STK3: variants seen among roughly 807,000 people sequenced by gnomAD.
The protein encoded by STK3 is serine/threonine-protein kinase 3.
Under a neutral mutation model 58.0 loss-of-function variants are expected in STK3, and 41 were observed. That is an observed-to-expected ratio of 0.71 (90% CI 0.55 to 0.92). The LOEUF (loss-of-function observed/expected upper bound fraction) is 0.92. STK3 is among the 40% of genes least tolerant of loss of function. STK3 has a pLI of 0.00. For synonymous variants in STK3, 170 were observed against 191.0 expected, an observed-to-expected ratio of 0.89 and a Z score of 0.91; for missense variants, 479 against 602.7, an observed-to-expected ratio of 0.79 and a Z score of 2.15.
intron 4 of STK3, among the ~76,000 whole-genome samples, chr8:98,711,854 G>A (rs1359807228): frequency 1.3e-5 from 2 of 152,190 alleles, no homozygotes; most frequent in African/African-American, 2.4e-5. Context: ...AAGTTGAAAT[G>A]AAGGAAAAAA....
At chr8:98,912,906 T>C (rs911201350) in intron 1 of STK3, among the ~76,000 whole-genome samples, 14 of 152,086 alleles carry the variant, frequency 9.2e-5, no homozygotes, top group African/African-American at 3.4e-4. Context: ...GTCTCACTGG[T>C]TGTGGTTTAT....
At chr8:98,749,881 G>T (rs1009756863) in intron 3 of STK3, among the ~76,000 whole-genome samples, 1 of 151,858 alleles carries the variant, frequency 6.6e-6, no homozygotes, top group African/African-American at 2.4e-5. Context: ...TAAATTTATA[G>T]AATTAAAATA....
intron 1 of STK3, among the ~76,000 whole-genome samples, chr8:98,885,525 C>T (rs960995885): frequency 1.3e-5 from 2 of 152,130 alleles, no homozygotes; most frequent in African/African-American, 2.4e-5. Flanking sequence ...CAGCAACCTC[C>T]GCCTCCCAGG....
At chr8:98,846,007 G>A (rs1293613405) in intron 3 of STK3, among the ~76,000 whole-genome samples, 1 of 152,224 alleles carries the variant, frequency 6.6e-6, no homozygotes, top group Non-Finnish European at 1.5e-5. Flanking sequence ...GCTAGGAACT[G>A]ACAAGACATC....
At chr8:98,598,847 T>C (rs1167492103) in intron 6 of STK3, 1 of 985,330 alleles carries the variant, frequency 1.0e-6, no homozygotes, top group East Asian at 1.1e-4. Flanking sequence ...AAACCTCTGA[T>C]TATGTTTCTA....
chr8:98,567,515 A>G (rs1448985457), intron 8 of STK3, among the ~76,000 whole-genome samples: 1 of 152,110 alleles, frequency 6.6e-6, no homozygotes, highest in African/African-American at 2.4e-5. Context: ...TTCTATTCTA[A>G]TCAACTATAA....
intron 6 of STK3, among the ~76,000 whole-genome samples, chr8:98,622,578 T>C (rs1818412316): frequency 1.3e-5 from 2 of 152,156 alleles, no homozygotes; most frequent in Admixed American, 1.3e-4. Context: ...AAAATCAAAT[T>C]ATCGAGGACC....
intron 6 of STK3, among the ~76,000 whole-genome samples, chr8:98,682,725 G>C (rs1223568388): frequency 6.6e-6 from 1 of 152,070 alleles, no homozygotes; most frequent in Admixed American, 6.6e-5. Context: ...GGTATGACTT[G>C]TCTTTCTTTT....
chr8:98,594,650 A>G (rs1467035722), intron 7 of STK3, among the ~76,000 whole-genome samples: 1 of 152,214 alleles, frequency 6.6e-6, no homozygotes, highest in Non-Finnish European at 1.5e-5. Flanking sequence ...ATACATATAT[A>G]ACACATACAT....
intron 10 of STK3, among the ~76,000 whole-genome samples, chr8:98,475,995 GGACTATAA>G (rs1182611225): frequency 6.6e-6 from 1 of 152,056 alleles, no homozygotes; most frequent in Non-Finnish European, 1.5e-5. Flanking sequence ...AAACTATTTA[GGACTATAA>G]ATTCCATCTA....
intron 1 of STK3, among the ~76,000 whole-genome samples, chr8:98,928,948 A>G (rs1344444135): frequency 6.6e-6 from 1 of 152,228 alleles, no homozygotes; most frequent in Admixed American, 6.5e-5. Flanking sequence ...TGAGCTGAAA[A>G]AGATTTTTAA....
intron 6 of STK3, among the ~76,000 whole-genome samples, chr8:98,684,496 A>G (rs1011742317): frequency 1.3e-5 from 2 of 152,200 alleles, no homozygotes; most frequent in Non-Finnish European, 2.9e-5. Flanking sequence ...AACCTGAACT[A>G]ATTTATAGTC....
At chr8:98,590,283 A>C (rs1378739449) in intron 7 of STK3, among the ~76,000 whole-genome samples, 3 of 152,130 alleles carry the variant, frequency 2.0e-5, no homozygotes, top group African/African-American at 4.8e-5. Context: ...TTGGAATATA[A>C]ATTTCTGAGC....
At chr8:98,492,189 A>G (rs1367831429) in intron 10 of STK3, among the ~76,000 whole-genome samples, 1 of 152,248 alleles carries the variant, frequency 6.6e-6, no homozygotes, top group African/African-American at 2.4e-5. Context: ...GAATACTTCT[A>G]AATTCTCCAG....
the STK3 span, among the ~76,000 whole-genome samples, chr8:98,349,342 G>A: frequency 6.6e-6 from 1 of 152,346 alleles, no homozygotes; most frequent in South Asian, 2.1e-4. Context: ...CGATGCAAGA[G>A]GTGGGCTCCC....
chr8:98,498,263 T>G (rs942001190), intron 10 of STK3, among the ~76,000 whole-genome samples: 5 of 152,088 alleles, frequency 3.3e-5, no homozygotes, highest in African/African-American at 1.2e-4. Flanking sequence ...AGTTCTTCCC[T>G]ATGTCTATGG....
intron 4 of STK3, among the ~76,000 whole-genome samples, chr8:98,739,028 G>A (rs537023799): frequency 2.1e-4 from 32 of 152,352 alleles, no homozygotes; most frequent in Middle Eastern, 6.8e-3. Flanking sequence ...AGGCAGCGGC[G>A]AGGCTGGGGG....
intron 7 of STK3, among the ~76,000 whole-genome samples, chr8:98,582,723 T>C (rs1260869100): frequency 6.6e-6 from 1 of 152,134 alleles, no homozygotes; most frequent in African/African-American, 2.4e-5. Flanking sequence ...CATTATTCTA[T>C]CTCATACTGG....
chr8:98,479,774 T>G (rs1322788531), intron 10 of STK3, among the ~76,000 whole-genome samples: 1 of 152,102 alleles, frequency 6.6e-6, no homozygotes, highest in South Asian at 2.1e-4. Flanking sequence ...AAGCCAACCT[T>G]GATACGACCC....
Sources: allele counts gnomAD v4.1 joint callset (sites outside exome capture counted in the v4.1 genomes callset), GRCh38; gene constraint gnomAD v4.1.1; transcripts MANE v1.5; gene names NCBI Gene and HGNC (gene_info 2026-07-23, HGNC 2026-07-21).